IQSEC1: variants seen among roughly 807,000 people sequenced by gnomAD.
IQSEC1 encodes IQ motif and SEC7 domain-containing protein 1.
A neutral mutation model predicts 91.0 loss-of-function variants in IQSEC1; 31 were observed. The observed-to-expected ratio is 0.34, with a 90% CI of 0.26 to 0.46. IQSEC1 has a LOEUF of 0.46. Ranked by LOEUF, IQSEC1 falls within the 20% of genes least tolerant of loss-of-function variation. IQSEC1 has a pLI of 1.00. For missense variants in IQSEC1, 1,388 were observed against 1,575.6 expected (o/e 0.88, Z 2.02); for synonymous variants, 699 against 662.6 (o/e 1.05, Z -0.84).
chr3:13,146,033 G>A (rs1706890611), intron 2 of IQSEC1, among the ~76,000 whole-genome samples: 1 of 152,122 alleles, frequency 6.6e-6, no homozygotes, highest in African/African-American at 2.4e-5. Flanking sequence ...TGTCACTCAG[G>A]CTGGAGTGCA....
chr3:13,045,056 A>G (rs1704444620), intron 1 of IQSEC1, among the ~76,000 whole-genome samples: 1 of 152,210 alleles, frequency 6.6e-6, no homozygotes, highest in South Asian at 2.1e-4. Context: ...GTCAGGACGC[A>G]TGCCAAGGCA....
chr3:13,067,202 TG>T (rs1404597632), intron 1 of IQSEC1, among the ~76,000 whole-genome samples: 1 of 152,090 alleles, frequency 6.6e-6, no homozygotes, highest in Non-Finnish European at 1.5e-5. Flanking sequence ...GGGAGCCTCC[TG>T]GGGGTAAGAG....
At chr3:13,161,060 A>G (rs1707164879) in intron 2 of IQSEC1, among the ~76,000 whole-genome samples, 1 of 152,174 alleles carries the variant, frequency 6.6e-6, no homozygotes, top group African/African-American at 2.4e-5. Context: ...AAAGGAAGGG[A>G]TCTTCGGGGG....
chr3:12,946,048 T>C (rs1576007442), intron 1 of IQSEC1, among the ~76,000 whole-genome samples: 1 of 152,198 alleles, frequency 6.6e-6, no homozygotes, highest in Admixed American at 6.5e-5. Flanking sequence ...AACTATCCTA[T>C]GTCAACCTTT....
chr3:12,901,475 T>G lies in IQSEC1; in HGVS notation c.2853A>C (p.Thr951=). ...SPHMRRRATS[T]RECPSRPHQT... ...GGTGTGGGCGAGATGGACACTCTCG[T>G]GTTGATGTAGCTCTCCGGCGCATGT... The change falls in exon 14 of 14, where the codon ACA becomes ACC. Residue 951 remains threonine, a synonymous_variant. Transcript: ENST00000613206. The G allele has an allele frequency of 1.9e-6, 3 of 1,549,710 alleles. No homozygotes were observed. Among genetic ancestry groups the G allele is most frequent in the Non-Finnish European group, 2.6e-6 (3 of 1,146,870 alleles).
chr3:13,280,644 G>A (rs527516676), intron 1 of IQSEC1, among the ~76,000 whole-genome samples: 56 of 152,232 alleles, frequency 3.7e-4, no homozygotes, highest in Non-Finnish European at 7.4e-4. Context: ...CCTGGGGTCC[G>A]GGCCCAGCAG....
chr3:13,026,864 G>GCA (rs370534423), intron 1 of IQSEC1, among the ~76,000 whole-genome samples: 5 of 90,864 alleles, frequency 5.5e-5, no homozygotes, highest in African/African-American at 1.7e-4. Flanking sequence ...TATCTCCCCA[G>GCA]TTTTTTTTTT....
chr3:13,217,177 C>T (rs1694565935), intron 1 of IQSEC1, among the ~76,000 whole-genome samples: 1 of 152,164 alleles, frequency 6.6e-6, no homozygotes, highest in Non-Finnish European at 1.5e-5. Context: ...ACTTTTGTAA[C>T]TTTCACTGAA....
intron 2 of IQSEC1, among the ~76,000 whole-genome samples, chr3:13,080,382 C>T (rs1386368264): frequency 3.9e-5 from 6 of 152,048 alleles, no homozygotes; most frequent in Non-Finnish European, 2.9e-5. Flanking sequence ...TCCACCTGCT[C>T]GTCGACTGGG....
intron 1 of IQSEC1, among the ~76,000 whole-genome samples, chr3:12,962,242 A>C (rs1290099301): frequency 6.6e-6 from 1 of 152,168 alleles, no homozygotes; most frequent in African/African-American, 2.4e-5. Flanking sequence ...ACTAACATCT[A>C]CCGGGCCCTT....
intron 2 of IQSEC1, among the ~76,000 whole-genome samples, chr3:13,118,071 TA>T (rs758714244): frequency 5.3e-5 from 8 of 152,088 alleles, no homozygotes; most frequent in Admixed American, 2.6e-4. Flanking sequence ...CAGTTAATCA[TA>T]ACGTATAGTT....
intron 1 of IQSEC1, among the ~76,000 whole-genome samples, chr3:13,268,454 G>A (rs1044739061): frequency 2.0e-5 from 3 of 152,168 alleles, no homozygotes; most frequent in Non-Finnish European, 2.9e-5. Flanking sequence ...CCAGGAGAGA[G>A]CAGTGAAAAC....
chr3:12,967,336 G>C lies in IQSEC1; in HGVS notation c.24-25471C>G. 1 of 1,468,726 alleles carries C rather than the reference G, an allele frequency of 6.8e-7. No individual in the cohort carries two copies. Among genetic ancestry groups the C allele is most frequent in the South Asian group, 1.2e-5 (1 of 81,384 alleles). 91.0% of individuals were successfully genotyped at this position (1,468,726 alleles called of 1,614,324 possible). On this transcript the variant is annotated intron_variant, in intron 1 of 13. Coordinates refer to ENST00000613206, the MANE Select transcript of IQSEC1 (RefSeq NM_001134382.3). This position sits in a 1 kb window ranked among gnomAD's most constrained non-coding sequence, Gnocchi z 5.9. ...ACAGGCATCCCCACAGCCTGCGCCA[G>C]CCCACCGCTCAGCACCCGGGAAGGC...
intron 1 of IQSEC1, 85 bp from the exon 2 acceptor site, chr3:12,941,950 C>T: frequency 7.8e-7 from 1 of 1,274,002 alleles, no homozygotes; most frequent in South Asian, 1.5e-5. Context: ...CCCCACCATG[C>T]TCCTGGAGGA....
chr3:13,134,052 GA>G (rs904782867), intron 2 of IQSEC1, among the ~76,000 whole-genome samples: 8 of 152,330 alleles, frequency 5.3e-5, no homozygotes, highest in Middle Eastern at 3.4e-3. Flanking sequence ...TTTCAAATAC[GA>G]AAATGGGTCA....
chr3:13,255,789 G>A (rs377645450), intron 1 of IQSEC1, among the ~76,000 whole-genome samples: 3 of 152,152 alleles, frequency 2.0e-5, no homozygotes, highest in Non-Finnish European at 2.9e-5. Context: ...GCACTCAGCC[G>A]GCCTTACAGT....
chr3:13,153,063 A>C (rs1279805822), intron 2 of IQSEC1, among the ~76,000 whole-genome samples: 4 of 109,860 alleles, frequency 3.6e-5, no homozygotes, highest in Admixed American at 1.2e-4. Flanking sequence ...CCCCTCCCCT[A>C]TCTACTCCTT....
At chr3:12,974,494 A>AG (rs1701061153) in intron 1 of IQSEC1, among the ~76,000 whole-genome samples, 1 of 152,184 alleles carries the variant, frequency 6.6e-6, no homozygotes, top group Non-Finnish European at 1.5e-5. Context: ...TCCCAAATCC[A>AG]GGGGCAGGGC....
chr3:13,206,005 T>A (rs2125056186), intron 1 of IQSEC1, among the ~76,000 whole-genome samples: 1 of 145,904 alleles, frequency 6.9e-6, no homozygotes, highest in South Asian at 2.3e-4. Context: ...TACTCATCCA[T>A]CTTTCCATCC....
Sources: allele counts gnomAD v4.1 joint callset (sites outside exome capture counted in the v4.1 genomes callset), GRCh38; gene constraint gnomAD v4.1.1; non-coding constraint Gnocchi (gnomAD v3.1); transcripts MANE v1.5; gene names NCBI Gene and HGNC (gene_info 2026-07-23, HGNC 2026-07-21).